The following OVOL2 variants were observed in gnomAD, a reference collection of about 807,000 sequenced individuals.
OVOL2 encodes transcription factor Ovo-like 2.
OVOL2 carries 13 observed loss-of-function variants against 18.1 expected under a neutral mutation model. The ratio of observed to expected loss-of-function variants is 0.72; its 90% CI spans 0.47 to 1.14. OVOL2 has a LOEUF of 1.14. OVOL2 is among the 50% of genes most tolerant of loss of function. The pLI is 0.00. For missense variants in OVOL2, 335 were observed against 383.0 expected (o/e 0.87, Z 1.05); for synonymous variants, 166 against 162.7 (o/e 1.02, Z -0.16).
chr20:18,056,794 CGCT>C lies in OVOL2; in HGVS notation c.181_183del (p.Ser61del), dbSNP rs1241458196. ...CTCTCTGCTCCTCCAGGCTCCCCCG[CGCT>C]GCTGCTGCCGCTGCCGCTGCTGCTG... is the stretch of plus-strand genomic sequence containing the variant. On this transcript the variant is annotated inframe_deletion, in exon 2 of 4. Coordinates refer to ENST00000278780, the MANE Select transcript of OVOL2 (RefSeq NM_021220.4). The surrounding 1 kb of genome is among the most constrained non-coding windows in gnomAD (Gnocchi z 4.2). 1 of 1,497,254 alleles carries C rather than the reference CGCT, an allele frequency of 6.7e-7. No homozygotes were observed. The highest frequency in any genetic ancestry group is 2.2e-5 in the Admixed American group (1 of 45,572). 92.7% of individuals were successfully genotyped at this position (1,497,254 alleles called of 1,614,324 possible). A position where few individuals can be genotyped will look rare whatever the true frequency, so the allele number is the denominator to read the frequency against.
intron 2 of OVOL2, among the ~76,000 whole-genome samples, chr20:18,050,483 G>A (rs2122722283): frequency 6.6e-6 from 1 of 152,238 alleles, no homozygotes; most frequent in Non-Finnish European, 1.5e-5. Flanking sequence ...ACCTTTCTCT[G>A]CTTAAACTAG....
At chr20:18,044,188 G>C (rs1418372587) in intron 2 of OVOL2, among the ~76,000 whole-genome samples, 1 of 152,194 alleles carries the variant, frequency 6.6e-6, no homozygotes, top group Admixed American at 6.5e-5. Flanking sequence ...GTCTGGTAGG[G>C]TCTGATGTGC....
intron 3 of OVOL2, among the ~76,000 whole-genome samples, chr20:18,025,700 C>G (rs902219516): frequency 6.6e-6 from 1 of 152,136 alleles, no homozygotes; most frequent in Admixed American, 6.6e-5. Context: ...GGGGTAGGAT[C>G]CAGTAGAGGG....
At chr20:18,039,355 C>T (rs2036647748) in intron 3 of OVOL2, among the ~76,000 whole-genome samples, 1 of 152,102 alleles carries the variant, frequency 6.6e-6, no homozygotes, top group South Asian at 2.1e-4. Context: ...GGTGTGGTGG[C>T]TTATGCCTGT....
intron 3 of OVOL2, among the ~76,000 whole-genome samples, chr20:18,034,166 G>C (rs555908692): frequency 1.3e-5 from 2 of 152,266 alleles, no homozygotes; most frequent in South Asian, 4.1e-4. Context: ...GTCCCCAGCT[G>C]TCGTGTGGCT....
intron 2 of OVOL2, among the ~76,000 whole-genome samples, chr20:18,047,239 G>A (rs1284636274): frequency 5.3e-5 from 8 of 152,172 alleles, no homozygotes; most frequent in Non-Finnish European, 7.3e-5. Flanking sequence ...ATTGGCAGGC[G>A]TGGTGGCTCA....
chr20:18,024,372 G>T lies in OVOL2; in HGVS notation c.*264C>A. ...TTGGGGGAAAAAAAAATCCCACACG[G>T]TGTTCTTGGCCATCAGGATCATGAA... On this transcript the variant is annotated 3_prime_UTR_variant, in exon 4 of 4. Coordinates refer to ENST00000278780, the MANE Select transcript of OVOL2 (RefSeq NM_021220.4). The T allele has an allele frequency of 2.1e-6, 1 of 483,440 alleles. No individual in the cohort carries two copies. Among genetic ancestry groups the T allele is most frequent in the Non-Finnish European group, 3.3e-6 (1 of 304,542 alleles). The allele number at this position is 483,440 out of a possible 1,614,324, so 29.9% of individuals were successfully genotyped here. A position where few individuals can be genotyped will look rare whatever the true frequency, so the allele number is the denominator to read the frequency against.
At chr20:18,044,002 A>G (rs1377532064) in intron 2 of OVOL2, among the ~76,000 whole-genome samples, 2 of 152,052 alleles carry the variant, frequency 1.3e-5, no homozygotes, top group African/African-American at 2.4e-5. Flanking sequence ...CACCCTGGGT[A>G]TTGCCCTCCC....
In OVOL2 at chr20:18,025,098, C is replaced by T. The variant is rs1039195486; in HGVS notation, c.512-146G>A. ...TTACAGCAGGAGAGAAAACTGTCTA[C>T]AAAAAATCATAGCATCCACCTGAGT... On this transcript the variant is annotated intron_variant, in intron 3 of 3. Coordinates refer to ENST00000278780, the MANE Select transcript of OVOL2 (RefSeq NM_021220.4). 4.3e-6 allele frequency: 4 copies of T among 938,570 alleles called. No individual in the cohort carries two copies. The African/African-American group carries it at 6.6e-5, about 15-fold the overall frequency. The allele number at this position is 938,570 out of a possible 1,614,324, so 58.1% of individuals were successfully genotyped here.
intron 3 of OVOL2, among the ~76,000 whole-genome samples, chr20:18,034,934 A>C (rs938466541): frequency 1.3e-5 from 2 of 152,072 alleles, no homozygotes; most frequent in African/African-American, 2.4e-5. Flanking sequence ...CCACCTCATC[A>C]ATATTATAGC....
chr20:18,041,671 C>A lies in OVOL2; in HGVS notation c.374G>T (p.Gly125Val). The change falls in exon 3 of 4, where the codon GGC (glycine) becomes GTC (valine). Residue 125 changes from glycine (G) to valine (V), a missense_variant. Coordinates refer to ENST00000278780, the MANE Select transcript of OVOL2 (RefSeq NM_021220.4). ...CATGCGCTGCAGACGGAAGCCCTTG[C>A]CACACAGGTCACAGCTGTGAACCAC... The part of the protein sequence containing the change: ...DSVVHSCDLC[G>V]KGFRLQRMLN... 2 of 1,614,066 alleles carry A rather than the reference C, an allele frequency of 1.2e-6. No individual in the cohort carries two copies. Among genetic ancestry groups the A allele is most frequent in the Non-Finnish European group, 8.5e-7 (1 of 1,180,010 alleles).
chr20:18,047,853 CAAAA>C lies in OVOL2; in HGVS notation c.322-6134_322-6131del, dbSNP rs34668253. ...CAGGCGACAGAGTGAGACTCCGTCTCAAAAAAAAAAAAAAAAAAAAAAAAGAAAG... is the reference window on the plus strand; with the variant it reads ...CAGGCGACAGAGTGAGACTCCGTCTCAAAAAAAAAAAAAAAAAAAAGAAAG... On this transcript the variant is annotated intron_variant, in intron 2 of 3. Coordinates refer to ENST00000278780, the MANE Select transcript of OVOL2 (RefSeq NM_021220.4). Among the ~76,000 whole-genome samples the C allele has an allele frequency of 1.1e-4, 5 of 47,148 alleles. No individual in the cohort carries two copies. The East Asian group carries it at 4.1e-3, about 39-fold the overall frequency. The allele number at this position is 47,148 out of a possible 152,430, so 30.9% of individuals were successfully genotyped here.
intron 2 of OVOL2, among the ~76,000 whole-genome samples, chr20:18,045,482 T>C (rs1364791675): frequency 5.9e-5 from 9 of 152,240 alleles, no homozygotes; most frequent in African/African-American, 4.8e-5. Context: ...AGATGCCTTC[T>C]ATTGCAGTCT....
Position 18,055,503 on chromosome 20 carries a change from C to T in OVOL2, c.321+1154G>A, listed in dbSNP as rs530984397. On this transcript the variant is annotated intron_variant, in intron 2 of 3. Coordinates refer to ENST00000278780, the MANE Select transcript of OVOL2 (RefSeq NM_021220.4). ...GCTAAGCTGCCGGCCCGCACGGTTT[C>T]GGCAGCTTCTTCTTTAAAGAGGTCT... Among the ~76,000 whole-genome samples, 8 of 152,298 alleles carry T rather than the reference C, an allele frequency of 5.3e-5. No individual in the cohort carries two copies. In the East Asian group the frequency reaches 1.4e-3, roughly 26 times the overall value.
At chr20:18,037,505 G>C (rs76098630) in intron 3 of OVOL2, among the ~76,000 whole-genome samples, 1 of 152,214 alleles carries the variant, frequency 6.6e-6, no homozygotes, top group South Asian at 2.1e-4. Context: ...AGTCTCTGCC[G>C]AGCCACCCTC....
chr20:18,049,755 T>C (rs2036755878), intron 2 of OVOL2, among the ~76,000 whole-genome samples: 1 of 152,160 alleles, frequency 6.6e-6, no homozygotes, highest in African/African-American at 2.4e-5. Flanking sequence ...ATGTGGTCCG[T>C]CATCTGCAAA....
chr20:18,042,453 T>C (rs1186857134), intron 2 of OVOL2, among the ~76,000 whole-genome samples: 1 of 152,040 alleles, frequency 6.6e-6, no homozygotes, highest in Non-Finnish European at 1.5e-5. Flanking sequence ...GTTCTTACTC[T>C]CATCAGTTCA....
At chr20:18,047,853 CAAAAAAAAAAAAA>C (rs34668253) in intron 2 of OVOL2, among the ~76,000 whole-genome samples, 4 of 47,158 alleles carry the variant, frequency 8.5e-5, no homozygotes, top group East Asian at 8.3e-4. Context: ...GACTCCGTCT[CAAAAAAAAAAAAA>C]AAAAAAAAAA....
chr20:18,056,857 G>A lies in OVOL2; in HGVS notation c.121C>T (p.His41Tyr), dbSNP rs2036833023. 1.3e-6 allele frequency: 2 copies of A among 1,487,484 alleles called. No individual in the cohort carries two copies. Among genetic ancestry groups the A allele is most frequent in the Non-Finnish European group, 1.8e-6 (2 of 1,126,982 alleles). 92.1% of individuals were successfully genotyped at this position (1,487,484 alleles called of 1,614,324 possible). The change falls in exon 2 of 4, where the codon CAC becomes TAC. Residue 41 changes from histidine (H) to tyrosine (Y), a missense_variant. Coordinates refer to ENST00000278780, the MANE Select transcript of OVOL2 (RefSeq NM_021220.4). This position sits in a 1 kb window ranked among gnomAD's most constrained non-coding sequence, Gnocchi z 4.2. ...CTGCGGCAGTCCTCGGGGGGGTCGT[G>A]GAGCAGGCGGCCTAGGCCCACTGTG... ...YIPVGLGRLL[H>Y]DPPEDCRSDG...
Sources: allele counts gnomAD v4.1 joint callset (sites outside exome capture counted in the v4.1 genomes callset), GRCh38; gene constraint gnomAD v4.1.1; non-coding constraint Gnocchi (gnomAD v3.1); transcripts MANE v1.5; gene names NCBI Gene and HGNC (gene_info 2026-07-23, HGNC 2026-07-21).